ST8SIA1: variants seen among roughly 807,000 people sequenced by gnomAD.
ST8SIA1 encodes the protein alpha-N-acetylneuraminide alpha-2,8-sialyltransferase.
ST8SIA1 carries 16 observed loss-of-function variants against 35.9 expected under a neutral mutation model. That is an observed-to-expected ratio of 0.45 (90% CI 0.30 to 0.68). The LOEUF is 0.68. Ranked by LOEUF, ST8SIA1 falls within the 30% of genes least tolerant of loss-of-function variation. The pLI is 0.09. For missense variants in ST8SIA1, 383 were observed against 453.6 expected (o/e 0.84, Z 1.41); for synonymous variants, 170 against 169.6 (o/e 1.00, Z -0.02).
intron 1 of ST8SIA1, among the ~76,000 whole-genome samples, chr12:22,323,722 G>A (rs1015410130): frequency 1.8e-4 from 28 of 152,248 alleles, no homozygotes; most frequent in Admixed American, 1.3e-3. Flanking sequence ...GGATGGAGTC[G>A]GAAACCATTA....
chr12:22,279,268 TG>T (rs1866006396), intron 2 of ST8SIA1, among the ~76,000 whole-genome samples: 1 of 152,326 alleles, frequency 6.6e-6, no homozygotes, highest in South Asian at 2.1e-4. Context: ...GCCCTGGCTT[TG>T]AGGTATGGCT....
intron 1 of ST8SIA1, among the ~76,000 whole-genome samples, chr12:22,294,539 C>A (rs1292378001): frequency 6.6e-6 from 1 of 152,278 alleles, no homozygotes; most frequent in East Asian, 1.9e-4. Flanking sequence ...GCCAGAACTA[C>A]AAACACAGAG....
chr12:22,320,965 A>AAG (rs1218056404), intron 1 of ST8SIA1, among the ~76,000 whole-genome samples: 65 of 84,622 alleles, frequency 7.7e-4, no homozygotes, highest in South Asian at 1.9e-3. Context: ...AAGAGAAAGA[A>AAG]AGAAAGAAAG....
chr12:22,240,818 T>G (rs1015646427), intron 4 of ST8SIA1, among the ~76,000 whole-genome samples: 1 of 152,164 alleles, frequency 6.6e-6, no homozygotes, highest in African/African-American at 2.4e-5. Flanking sequence ...TATGGGAAGA[T>G]ATTTCTCAGG....
intron 4 of ST8SIA1, among the ~76,000 whole-genome samples, chr12:22,214,328 G>A (rs1865210381): frequency 6.6e-6 from 1 of 152,096 alleles, no homozygotes; most frequent in Admixed American, 6.6e-5. Context: ...TTAAAGGTAT[G>A]AGATATTTTA....
intron 4 of ST8SIA1, among the ~76,000 whole-genome samples, chr12:22,206,255 AACAG>A (rs1173948275): frequency 2.6e-5 from 4 of 152,206 alleles, no homozygotes; most frequent in Non-Finnish European, 2.9e-5. Flanking sequence ...ACCTCAAAAA[AACAG>A]ACAGTTTACC....
At chr12:22,317,649 T>C (rs539623992) in intron 1 of ST8SIA1, among the ~76,000 whole-genome samples, 385 of 152,284 alleles carry the variant, frequency 2.5e-3, no homozygotes, top group Non-Finnish European at 2.3e-3. Context: ...AGTGATCCCA[T>C]AGGGAGAGAA....
At chr12:22,231,900 A>G (rs1217195759) in intron 4 of ST8SIA1, among the ~76,000 whole-genome samples, 1 of 152,240 alleles carries the variant, frequency 6.6e-6, no homozygotes, top group African/African-American at 2.4e-5. Context: ...AAAGACAAGA[A>G]TAAGAATCTC....
chr12:22,315,789 AT>A (rs1363897308), intron 1 of ST8SIA1, among the ~76,000 whole-genome samples: 9 of 144,938 alleles, frequency 6.2e-5, no homozygotes, highest in East Asian at 2.0e-4. Flanking sequence ...AAAAAAAAAA[AT>A]TCCCCTCACA....
chr12:22,245,685 G>A (rs576328628), intron 4 of ST8SIA1, among the ~76,000 whole-genome samples: 65 of 152,268 alleles, frequency 4.3e-4, no homozygotes, highest in Non-Finnish European at 8.1e-4. Flanking sequence ...GTTGACTGAC[G>A]GCTGGCAGCC....
chr12:22,332,973 G>C (rs1866788436), intron 1 of ST8SIA1, among the ~76,000 whole-genome samples: 1 of 152,128 alleles, frequency 6.6e-6, no homozygotes, highest in Non-Finnish European at 1.5e-5. Context: ...GAGACTAAAG[G>C]TGAAAGGGGC....
At chr12:22,315,237 A>T (rs984728942) in intron 1 of ST8SIA1, among the ~76,000 whole-genome samples, 1 of 152,134 alleles carries the variant, frequency 6.6e-6, no homozygotes, top group African/African-American at 2.4e-5. Context: ...CAGAGTTGTA[A>T]ATTCTATCAC....
intron 1 of ST8SIA1, among the ~76,000 whole-genome samples, chr12:22,319,057 T>C (rs2135838839): frequency 1.3e-5 from 2 of 152,344 alleles, no homozygotes; most frequent in South Asian, 4.1e-4. Context: ...GCTCTGGGCA[T>C]TACTGACTGC....
At chr12:22,252,635 CT>C in intron 3 of ST8SIA1, among the ~76,000 whole-genome samples, 1 of 152,290 alleles carries the variant, frequency 6.6e-6, no homozygotes, top group South Asian at 2.1e-4. Context: ...AAACATTATG[CT>C]TAATACTGTG....
intron 1 of ST8SIA1, among the ~76,000 whole-genome samples, chr12:22,316,146 TCAA>T (rs1162791271): frequency 6.6e-6 from 1 of 152,094 alleles, no homozygotes; most frequent in Non-Finnish European, 1.5e-5. Flanking sequence ...ATAAAAAATC[TCAA>T]CAAGAATCAT....
In ST8SIA1 at chr12:22,196,072, A is replaced by C. The variant is rs1378780527; in HGVS notation, c.*5480T>G. 2.6e-5 allele frequency: 4 copies of C among 152,350 alleles called. No homozygotes were observed. In the East Asian group the frequency reaches 5.8e-4, roughly 22 times the overall value. The allele number at this position is 152,350 out of a possible 1,614,324, so 9.4% of individuals were successfully genotyped here. ...CAACAAGAAAAAAATTACCTGAAAG[A>C]ATTTTAGCACAATATAGAGATCAAT... On this transcript the variant is annotated 3_prime_UTR_variant, in exon 5 of 5. Transcript: ENST00000396037.
intron 4 of ST8SIA1, among the ~76,000 whole-genome samples, chr12:22,211,842 G>T (rs963239647): frequency 6.6e-6 from 1 of 152,134 alleles, no homozygotes; most frequent in African/African-American, 2.4e-5. Context: ...CTCCCGAGTA[G>T]CTGGGACTTC....
chr12:22,229,576 A>G (rs1179609654), intron 4 of ST8SIA1, among the ~76,000 whole-genome samples: 1 of 146,730 alleles, frequency 6.8e-6, no homozygotes. Flanking sequence ...TGATGGCACC[A>G]CTGCACTCCA....
intron 4 of ST8SIA1, among the ~76,000 whole-genome samples, chr12:22,241,896 C>T (rs891735114): frequency 2.0e-4 from 30 of 152,058 alleles, no homozygotes; most frequent in African/African-American, 7.0e-4. Flanking sequence ...AACTTCCAGA[C>T]CTTCAAACTC....
Sources: allele counts gnomAD v4.1 joint callset (sites outside exome capture counted in the v4.1 genomes callset), GRCh38; gene constraint gnomAD v4.1.1; transcripts MANE v1.5; gene names NCBI Gene and HGNC (gene_info 2026-07-23, HGNC 2026-07-21).